The following FSTL5 variants were observed in gnomAD, a reference collection of about 807,000 sequenced individuals.
FSTL5 encodes the protein follistatin like 5.
FSTL5 carries 62 observed loss-of-function variants against 89.1 expected under a neutral mutation model. The ratio of observed to expected loss-of-function variants is 0.70; its 90% CI spans 0.57 to 0.86. The LOEUF (loss-of-function observed/expected upper bound fraction) is 0.86, where lower values mean the gene tolerates loss of function less well. FSTL5 is among the 40% of genes least tolerant of loss of function. The pLI, the probability that FSTL5 is intolerant of heterozygous loss-of-function variation, is 0.00. For missense variants in FSTL5, 1,057 were observed against 1,001.6 expected (o/e 1.06, Z -0.75); for synonymous variants, 383 against 346.2 (o/e 1.11, Z -1.18).
intron 3 of FSTL5, among the ~76,000 whole-genome samples, chr4:161,939,485 A>C (rs930855611): frequency 2.0e-5 from 3 of 151,942 alleles, no homozygotes; most frequent in Non-Finnish European, 4.4e-5. Context: ...TTATCTAAGC[A>C]GTGGTTTTAG....
intron 4 of FSTL5, among the ~76,000 whole-genome samples, chr4:161,861,841 A>C (rs16999366): frequency 0.22 from 33,808 of 152,146 alleles, 4,026 homozygotes; most frequent in African/African-American, 0.3. Flanking sequence ...TACTCACAGA[A>C]AATCTGATCA....
At chr4:161,712,740 T>A (rs1188111249) in intron 6 of FSTL5, among the ~76,000 whole-genome samples, 1 of 152,046 alleles carries the variant, frequency 6.6e-6, no homozygotes, top group Non-Finnish European at 1.5e-5. Context: ...ATGAGTTCAC[T>A]GGAGATCTCG....
chr4:161,643,051 T>C (rs951321485), intron 7 of FSTL5, among the ~76,000 whole-genome samples: 4 of 152,304 alleles, frequency 2.6e-5, no homozygotes, highest in Non-Finnish European at 4.4e-5. Context: ...ATAAGTCTTG[T>C]TCTAAATACA....
At chr4:161,492,544 A>G (rs984918726) in intron 12 of FSTL5, among the ~76,000 whole-genome samples, 1 of 152,156 alleles carries the variant, frequency 6.6e-6, no homozygotes, top group Non-Finnish European at 1.5e-5. Flanking sequence ...CTAAAATTAA[A>G]AAATAGGTAG....
At chr4:161,870,406 A>G (rs1189419713) in intron 4 of FSTL5, among the ~76,000 whole-genome samples, 1 of 152,048 alleles carries the variant, frequency 6.6e-6, no homozygotes, top group Non-Finnish European at 1.5e-5. Context: ...GTAAAAAAAG[A>G]AAAAACAAGT....
chr4:161,948,292 GAAA>G (rs34074683), intron 3 of FSTL5, among the ~76,000 whole-genome samples: 6,540 of 113,714 alleles, frequency 0.058, 230 homozygotes, highest in African/African-American at 0.13. Context: ...CTAAAGAAAT[GAAA>G]AAAAAAAAAA....
chr4:161,641,186 T>C (rs928900745), intron 7 of FSTL5, among the ~76,000 whole-genome samples: 42 of 152,260 alleles, frequency 2.8e-4, no homozygotes, highest in African/African-American at 9.4e-4. Flanking sequence ...TACTAGACAG[T>C]GACTGAAAGC....
intron 6 of FSTL5, among the ~76,000 whole-genome samples, chr4:161,721,597 A>T (rs1000342943): frequency 1.3e-5 from 2 of 152,136 alleles, no homozygotes; most frequent in Non-Finnish European, 2.9e-5. Context: ...TAGGGGCCCA[A>T]ACCCCACAAG....
chr4:161,853,410 G>A (rs1731621189), intron 4 of FSTL5, among the ~76,000 whole-genome samples: 1 of 151,808 alleles, frequency 6.6e-6, no homozygotes, highest in Non-Finnish European at 1.5e-5. Context: ...TAGGATTACA[G>A]GCACCTGCCA....
chr4:161,891,266 CCTT>C (rs1732980005), intron 4 of FSTL5, among the ~76,000 whole-genome samples: 1 of 152,018 alleles, frequency 6.6e-6, no homozygotes, highest in South Asian at 2.1e-4. Context: ...GAAATTTGCT[CCTT>C]ATTTCAGAAT....
chr4:161,459,390 G>T, intron 13 of FSTL5, 71 bp from the exon 14 acceptor site: 1 of 898,880 alleles, frequency 1.1e-6, no homozygotes, highest in Non-Finnish European at 1.8e-6. Context: ...CAGAAATTAT[G>T]AAGATTCTAA....
rs770993353 is a variant in FSTL5 at position 161,386,074 on chromosome 4, T to G, written c.2217A>C (p.Ile739=). 2 of 1,613,938 alleles carry G rather than the reference T, an allele frequency of 1.2e-6. No individual in the cohort carries two copies. Among genetic ancestry groups the G allele is most frequent in the African/African-American group, 2.7e-5 (2 of 74,894 alleles). ...AGGATGGTTGAAATGCCAGATCAGA[T>G]ATGTGCAGATTTGTGTAAATATCAA... is the stretch of plus-strand genomic sequence containing the variant. ...EAFDIYTNLH[I]SDLAFQPSFT... The change falls in exon 16 of 16, where the codon ATA becomes ATC. Residue 739 remains isoleucine, a synonymous_variant. Coordinates refer to ENST00000306100, the MANE Select transcript of FSTL5 (RefSeq NM_020116.5).
intron 1 of FSTL5, among the ~76,000 whole-genome samples, chr4:162,116,542 G>C (rs1392792373): frequency 6.6e-6 from 1 of 152,146 alleles, no homozygotes; most frequent in East Asian, 1.9e-4. Flanking sequence ...GGAATTTGTA[G>C]CTAATAGCTT....
intron 2 of FSTL5, chr4:162,035,119 C>T (rs1385004631): frequency 6.6e-6 from 1 of 152,112 alleles, no homozygotes; most frequent in Non-Finnish European, 1.5e-5. Flanking sequence ...TCCCTCTCCT[C>T]TATTAACATT....
chr4:161,981,984 A>G (rs1469458244), intron 3 of FSTL5, among the ~76,000 whole-genome samples: 1 of 152,210 alleles, frequency 6.6e-6, no homozygotes, highest in African/African-American at 2.4e-5. Context: ...GGAAAAGTTT[A>G]TTATAAAATT....
At chr4:161,543,911 A>ATT (rs1731917462) in intron 8 of FSTL5, among the ~76,000 whole-genome samples, 1 of 152,062 alleles carries the variant, frequency 6.6e-6, no homozygotes, top group African/African-American at 2.4e-5. Flanking sequence ...AATATGTTAG[A>ATT]TTTTGTAGTG....
At chr4:162,052,215 G>T (rs1278611462) in intron 2 of FSTL5, among the ~76,000 whole-genome samples, 1 of 151,110 alleles carries the variant, frequency 6.6e-6, no homozygotes, top group African/African-American at 2.4e-5. Flanking sequence ...AACACAAAAT[G>T]CCAAAATAGG....
chr4:162,128,203 CTG>C (rs976700241), intron 1 of FSTL5, among the ~76,000 whole-genome samples: 1 of 152,116 alleles, frequency 6.6e-6, no homozygotes, highest in African/African-American at 2.4e-5. Flanking sequence ...AGTAATATGT[CTG>C]TAGTATTTTT....
intron 3 of FSTL5, among the ~76,000 whole-genome samples, chr4:161,991,892 G>A (rs1736122448): frequency 6.6e-6 from 1 of 152,102 alleles, no homozygotes; most frequent in African/African-American, 2.4e-5. Flanking sequence ...CAAAGAAGAT[G>A]GCCTTTCAGA....
Sources: allele counts gnomAD v4.1 joint callset (sites outside exome capture counted in the v4.1 genomes callset), GRCh38; gene constraint gnomAD v4.1.1; transcripts MANE v1.5; gene names NCBI Gene and HGNC (gene_info 2026-07-23, HGNC 2026-07-21).